FBLN7: variants seen among roughly 807,000 people sequenced by gnomAD.
FBLN7 encodes fibulin 7.
In FBLN7, 31 loss-of-function variants were observed where a neutral mutation model predicts 44.0. The ratio of observed to expected loss-of-function variants is 0.70; its 90% confidence interval spans 0.53 to 0.95. The LOEUF (loss-of-function observed/expected upper bound fraction) is 0.95, where lower values mean the gene tolerates loss of function less well. FBLN7 is among the 40% of genes least tolerant of loss of function. The pLI is 0.00. For synonymous variants in FBLN7, 262 were observed against 253.4 expected, an observed-to-expected ratio of 1.03 and a Z score of -0.32; for missense variants, 573 against 618.5, an observed-to-expected ratio of 0.93 and a Z score of 0.78.
At chr2:112,183,192 G>T (rs1217029060) in intron 6 of FBLN7, among the ~76,000 whole-genome samples, 2 of 152,150 alleles carry the variant, frequency 1.3e-5, no homozygotes, top group Admixed American at 1.3e-4. Context: ...TTTCTTCAAG[G>T]TCTGGTCAAT....
chr2:112,160,690 A>ACACAAGCG (rs1558879644), intron 2 of FBLN7, among the ~76,000 whole-genome samples: 5 of 128,634 alleles, frequency 3.9e-5, no homozygotes, highest in Non-Finnish European at 6.7e-5. Flanking sequence ...ACGCACGCAC[A>ACACAAGCG]CGCACACACG....
intron 6 of FBLN7, among the ~76,000 whole-genome samples, chr2:112,183,740 G>C (rs1381947538): frequency 6.6e-6 from 1 of 152,132 alleles, no homozygotes; most frequent in African/African-American, 2.4e-5. Flanking sequence ...TTTCCTGGAG[G>C]GCCGGGTTGA....
chr2:112,201,725 G>C, the FBLN7 span, among the ~76,000 whole-genome samples: 1 of 152,204 alleles, frequency 6.6e-6, no homozygotes, highest in Admixed American at 6.5e-5. Context: ...TTCAGTCTCT[G>C]AGATAATAAG....
the FBLN7 span, among the ~76,000 whole-genome samples, chr2:112,200,355 A>T: frequency 6.6e-6 from 1 of 152,206 alleles, no homozygotes; most frequent in African/African-American, 2.4e-5. Context: ...GGAATGTCAC[A>T]TAAGGGGTGG....
At chr2:112,169,326 C>T (rs1038627212) in intron 3 of FBLN7, among the ~76,000 whole-genome samples, 12 of 152,030 alleles carry the variant, frequency 7.9e-5, no homozygotes, top group African/African-American at 2.2e-4. Flanking sequence ...AAACAGCAGG[C>T]GTAGGTGGAC....
chr2:112,149,799 C>T (rs1310954651), intron 1 of FBLN7, among the ~76,000 whole-genome samples: 4 of 152,192 alleles, frequency 2.6e-5, no homozygotes, highest in Non-Finnish European at 5.9e-5. Flanking sequence ...TCCATTTGCA[C>T]AAGTCTCAAG....
chr2:112,222,324 G>A, the FBLN7 span, among the ~76,000 whole-genome samples: 1 of 152,158 alleles, frequency 6.6e-6, no homozygotes, highest in Non-Finnish European at 1.5e-5. Context: ...AGTTCAGGTA[G>A]AAGTGGGACC....
chr2:112,186,744 G>A (rs1007520410), intron 7 of FBLN7, among the ~76,000 whole-genome samples: 4 of 152,238 alleles, frequency 2.6e-5, no homozygotes, highest in African/African-American at 9.6e-5. Context: ...CTGAGGTCCT[G>A]CCATTACTGG....
chr2:112,195,051 G>T, the FBLN7 span, among the ~76,000 whole-genome samples: 1 of 152,188 alleles, frequency 6.6e-6, no homozygotes, highest in South Asian at 2.1e-4. Flanking sequence ...GGAGAAGTTG[G>T]TTCTTATTAG....
At chr2:112,189,326 C>G (rs1250655359), downstream of FBLN7, 1 of 152,240 alleles carries the variant, frequency 6.6e-6, no homozygotes, top group East Asian at 1.9e-4. Context: ...ACGCACCCAG[C>G]CCCGGTGCCC....
intron 1 of FBLN7, among the ~76,000 whole-genome samples, chr2:112,145,327 G>A (rs557081378): frequency 5.7e-4 from 86 of 151,978 alleles, no homozygotes; most frequent in African/African-American, 2.0e-3. Context: ...TTTGAGATGG[G>A]GTCTTTCTAT....
chr2:112,165,497 A>G (rs1310775742), intron 3 of FBLN7, among the ~76,000 whole-genome samples: 1 of 152,022 alleles, frequency 6.6e-6, no homozygotes, highest in African/African-American at 2.4e-5. Flanking sequence ...GCACCTGGAC[A>G]CTCTGACCCC....
the FBLN7 span, among the ~76,000 whole-genome samples, chr2:112,197,228 A>G: frequency 8.9e-6 from 1 of 112,262 alleles, no homozygotes; most frequent in Non-Finnish European, 2.0e-5. Flanking sequence ...GGCATCCGTA[A>G]GAGAAAACAC....
At chr2:112,160,098 C>T (rs1040693659) in intron 2 of FBLN7, among the ~76,000 whole-genome samples, 20 of 152,276 alleles carry the variant, frequency 1.3e-4, no homozygotes, top group South Asian at 1.0e-3. Context: ...TCACGCCATT[C>T]TCCTGCCTCA....
chr2:112,219,280 C>T, the FBLN7 span, among the ~76,000 whole-genome samples: 4 of 151,944 alleles, frequency 2.6e-5, no homozygotes, highest in African/African-American at 9.7e-5. Flanking sequence ...AGAAATAAAC[C>T]CTCACGTCTA....
Position 112,164,345 on chromosome 2 carries a change from G to A in FBLN7, c.236-656G>A, listed in dbSNP as rs142563322. On this transcript the variant is annotated intron_variant, in intron 2 of 7. Transcript: ENST00000331203. ...GTGCTGGGGATACACAGGAACATAG[G>A]CCAGATGCATTCTGATGGAGAGGAC... Among the ~76,000 whole-genome samples the A allele has an allele frequency of 4.1e-4, 63 of 152,350 alleles. No homozygotes were observed. The East Asian group carries it at 0.012, about 29-fold the overall frequency.
intron 1 of FBLN7, among the ~76,000 whole-genome samples, chr2:112,150,382 GAAA>G (rs146395201): frequency 3.2e-4 from 47 of 147,822 alleles, no homozygotes; most frequent in Non-Finnish European, 5.4e-4. Context: ...TGTACCAGAA[GAAA>G]AAAAAAATGC....
chr2:112,215,598 A>G, the FBLN7 span: 1 of 152,248 alleles, frequency 6.6e-6, no homozygotes, highest in Admixed American at 6.5e-5. Context: ...TTTCCCAACA[A>G]TAAAACAATA....
intron 2 of FBLN7, 119 bp from the exon 3 acceptor site, chr2:112,164,882 C>A: frequency 1.8e-6 from 2 of 1,116,184 alleles, no homozygotes; most frequent in Non-Finnish European, 2.6e-6. Flanking sequence ...GCACAGTGCA[C>A]AGCCTGCAGC....
Sources: allele counts gnomAD v4.1 joint callset (sites outside exome capture counted in the v4.1 genomes callset), GRCh38; gene constraint gnomAD v4.1.1; transcripts MANE v1.5; gene names NCBI Gene and HGNC (gene_info 2026-07-23, HGNC 2026-07-21).